Variants in CTNNA2 observed in about 807,000 individuals in gnomAD.
CTNNA2 encodes catenin alpha 2.
In CTNNA2, 42 loss-of-function variants were observed where a neutral mutation model predicts 101.0. That is an observed-to-expected ratio of 0.42 (90% CI 0.32 to 0.54). The LOEUF is 0.54. CTNNA2 is among the 20% of genes least tolerant of loss of function. CTNNA2 has a pLI of 0.14. For missense variants in CTNNA2, 871 were observed against 1,223.1 expected, an observed-to-expected ratio of 0.71 and a Z score of 4.29; for synonymous variants, 450 against 456.4, an observed-to-expected ratio of 0.99 and a Z score of 0.18.
chr2:79,206,243 G>A (rs571990848), intron 2 of CTNNA2, among the ~76,000 whole-genome samples: 21 of 151,074 alleles, frequency 1.4e-4, no homozygotes, highest in African/African-American at 4.6e-4. Flanking sequence ...GTTAGAATTC[G>A]GCAATTATGG....
rs576308569 is a variant in CTNNA2 at position 80,484,773 on chromosome 2, A to G, written c.1291-60209A>G. On this transcript the variant is annotated intron_variant, in intron 9 of 18. Coordinates refer to ENST00000402739, the MANE Select transcript of CTNNA2 (RefSeq NM_001282597.3). ...TGTAATCCCAGCACTTTGGGAGGCC[A>G]AGGCGGGCGGATCACTAGGTCCGGA... 6.4e-4 allele frequency among the ~76,000 whole-genome samples: 97 copies of G among 152,252 alleles called. 1 individual carries two copies. Among genetic ancestry groups the G allele is most frequent in the East Asian group, 1.4e-3 (7 of 5,172 alleles).
chr2:80,339,125 A>AT (rs956996661), intron 7 of CTNNA2, among the ~76,000 whole-genome samples: 6 of 151,740 alleles, frequency 4.0e-5, no homozygotes, highest in Admixed American at 6.6e-5. Context: ...CATATGGTAG[A>AT]TTTTTTTTTA....
intron 9 of CTNNA2, among the ~76,000 whole-genome samples, chr2:80,469,840 C>T (rs1572967856): frequency 6.6e-6 from 1 of 152,156 alleles, no homozygotes. Flanking sequence ...GTCATCCTAT[C>T]ACTAACTTCT....
chr2:79,896,008 T>C (rs1284503644), intron 6 of CTNNA2, among the ~76,000 whole-genome samples: 2 of 151,942 alleles, frequency 1.3e-5, no homozygotes, highest in Non-Finnish European at 2.9e-5. Context: ...TTAGGCTGAG[T>C]GTGGTGGTTC....
At chr2:79,629,476 G>C (rs936170700) in intron 1 of CTNNA2, among the ~76,000 whole-genome samples, 1 of 152,072 alleles carries the variant, frequency 6.6e-6, no homozygotes, top group Non-Finnish European at 1.5e-5. Context: ...CTTTGCCATC[G>C]TGGTCCCAAA....
At chr2:79,524,694 C>T (rs1460680644) in intron 1 of CTNNA2, 2 of 152,052 alleles carry the variant, frequency 1.3e-5, no homozygotes, top group East Asian at 1.9e-4. Flanking sequence ...ATTGGAAATA[C>T]ACTGTCTATA....
chr2:80,271,921 C>T (rs1673523290), intron 7 of CTNNA2, among the ~76,000 whole-genome samples: 2 of 152,184 alleles, frequency 1.3e-5, no homozygotes, highest in Admixed American at 1.3e-4. Flanking sequence ...TCATATCAGA[C>T]TGATCCATAA....
intron 7 of CTNNA2, among the ~76,000 whole-genome samples, chr2:79,939,467 G>GT (rs926520650): frequency 6.6e-5 from 10 of 151,982 alleles, no homozygotes; most frequent in East Asian, 1.9e-4. Context: ...CTTAAAATGA[G>GT]TTTTTTTTCC....
intron 2 of CTNNA2, among the ~76,000 whole-genome samples, chr2:79,693,831 G>C (rs1018235471): frequency 2.6e-5 from 4 of 151,968 alleles, no homozygotes; most frequent in Admixed American, 2.0e-4. Context: ...GGCAAAGACA[G>C]AATTGGATTC....
intron 7 of CTNNA2, among the ~76,000 whole-genome samples, chr2:80,036,698 C>T (rs1448272448): frequency 1.3e-5 from 2 of 152,022 alleles, no homozygotes; most frequent in African/African-American, 2.4e-5. Flanking sequence ...GGGAGCTTCT[C>T]ATGGGAAGGG....
chr2:80,533,789 A>T (rs1362981340), intron 9 of CTNNA2, among the ~76,000 whole-genome samples: 3 of 152,200 alleles, frequency 2.0e-5, no homozygotes, highest in African/African-American at 7.2e-5. Context: ...TCCTCCATGT[A>T]AAGATGGAGA....
intron 2 of CTNNA2, among the ~76,000 whole-genome samples, chr2:79,202,683 C>G (rs1292994432): frequency 6.6e-6 from 1 of 152,146 alleles, no homozygotes; most frequent in Admixed American, 6.5e-5. Flanking sequence ...GAAGTTCCCT[C>G]AATGTTTCCA....
At chr2:79,226,414 C>A (rs1349501055) in intron 2 of CTNNA2, among the ~76,000 whole-genome samples, 1 of 151,982 alleles carries the variant, frequency 6.6e-6, no homozygotes, top group Non-Finnish European at 1.5e-5. Flanking sequence ...TTAGCACAGT[C>A]CCTGGCTCAT....
intron 2 of CTNNA2, among the ~76,000 whole-genome samples, chr2:79,668,674 A>C (rs1341472210): frequency 6.6e-6 from 1 of 152,232 alleles, no homozygotes; most frequent in Non-Finnish European, 1.5e-5. Context: ...CTAGTAAAAA[A>C]AACTTAAACT....
chr2:80,553,240 TA>T (rs1558579680), intron 11 of CTNNA2, among the ~76,000 whole-genome samples: 3 of 144,902 alleles, frequency 2.1e-5, no homozygotes, highest in African/African-American at 5.1e-5. Context: ...AAAAATAAAA[TA>T]AAATAAAATA....
rs192534119 is a variant in CTNNA2, at chr2:80,315,114, G to C, written c.1057-78097G>C. 2.6e-5 allele frequency among the ~76,000 whole-genome samples: 4 copies of C among 152,248 alleles called. No individual in the cohort carries two copies. The East Asian group carries it at 5.8e-4, about 22-fold the overall frequency. On this transcript the variant is annotated intron_variant, in intron 7 of 18. Coordinates refer to ENST00000402739, the MANE Select transcript of CTNNA2 (RefSeq NM_001282597.3). ...CTATATCAATTTCTACTATGCCAGG[G>C]CAAAAATCACACCCTATAGATTGAA...
At chr2:79,645,870 A>T (rs1680781196) in intron 1 of CTNNA2, among the ~76,000 whole-genome samples, 1 of 152,242 alleles carries the variant, frequency 6.6e-6, no homozygotes. Flanking sequence ...AATTATCTCC[A>T]CAGCTCTATG....
intron 4 of CTNNA2, among the ~76,000 whole-genome samples, chr2:79,445,919 T>C (rs1345159382): frequency 1.3e-5 from 2 of 152,148 alleles, no homozygotes; most frequent in African/African-American, 2.4e-5. Flanking sequence ...TAGCTTTTCT[T>C]TTCAAATAAT....
intron 6 of CTNNA2, among the ~76,000 whole-genome samples, chr2:79,903,757 C>G (rs1216797045): frequency 6.6e-6 from 1 of 152,164 alleles, no homozygotes; most frequent in African/African-American, 2.4e-5. Context: ...AAGTCCCAGT[C>G]AGGCCAGTGG....
Sources: gnomAD v4.1 joint callset for allele counts (sites outside exome capture counted in the v4.1 genomes callset) on GRCh38, gnomAD v4.1.1 for gene constraint, MANE v1.5 for transcripts, NCBI Gene and HGNC (gene_info 2026-07-23, HGNC 2026-07-21) for gene names.